The following NMT1 variants were observed in gnomAD, a reference collection of about 807,000 sequenced individuals.
The protein encoded by NMT1 is glycylpeptide N-tetradecanoyltransferase 1.
A neutral mutation model predicts 63.4 loss-of-function variants in NMT1; 12 were observed. The ratio of observed to expected loss-of-function variants is 0.19; its 90% CI spans 0.12 to 0.31. The LOEUF is 0.31. Ranked by LOEUF, NMT1 falls within the 10% of genes least tolerant of loss-of-function variation. The pLI, the probability that NMT1 is intolerant of heterozygous loss-of-function variation, is 1.00. For missense variants in NMT1, 432 were observed against 634.6 expected (o/e 0.68, Z 3.43); for synonymous variants, 228 against 234.3 (o/e 0.97, Z 0.25).
intron 6 of NMT1, among the ~76,000 whole-genome samples, chr17:45,097,619 A>T (rs1024007311): frequency 2.0e-5 from 3 of 151,944 alleles, no homozygotes; most frequent in African/African-American, 7.3e-5. Flanking sequence ...GCCTCCCAAG[A>T]GTGTTGGGAA....
At chr17:45,100,017 T>A (rs2054151380) in intron 8 of NMT1, among the ~76,000 whole-genome samples, 1 of 152,172 alleles carries the variant, frequency 6.6e-6, no homozygotes, top group South Asian at 2.1e-4. Context: ...GCTGCTTTTC[T>A]GTTCTGGGTC....
chr17:45,081,636 T>G lies in NMT1; in HGVS notation c.132-8T>G. The G allele has an allele frequency of 1.2e-6, 2 of 1,606,568 alleles. No homozygotes were observed. The highest frequency in any genetic ancestry group is 8.5e-7 in the Non-Finnish European group (1 of 1,177,464). On this transcript the variant is annotated splice_polypyrimidine_tract_variant and splice_region_variant and intron_variant, in intron 1 of 11. Coordinates refer to ENST00000258960, the MANE Select transcript of NMT1 (RefSeq NM_021079.5). ...AAACCCTGCATTAGTATTTACTTTT[T>G]GTTACAGTGGTTTGAGTCCAGCCAA...
intron 4 of NMT1, among the ~76,000 whole-genome samples, chr17:45,095,720 C>T (rs1385603698): frequency 6.6e-6 from 1 of 152,126 alleles, no homozygotes; most frequent in Admixed American, 6.5e-5. Context: ...TGCAGTGAGC[C>T]ATGATCACAC....
intron 4 of NMT1, 27 bp downstream of exon 4, chr17:45,093,830 C>A: frequency 6.3e-7 from 1 of 1,578,960 alleles, no homozygotes; most frequent in Non-Finnish European, 8.7e-7. Context: ...AAGGTTACAC[C>A]TGCGGGTAGG....
intron 8 of NMT1, among the ~76,000 whole-genome samples, chr17:45,102,182 G>T (rs948920869): frequency 1.3e-5 from 2 of 152,354 alleles, no homozygotes; most frequent in South Asian, 4.1e-4. Context: ...GCACTGGGAA[G>T]CATTGTGTCA....
chr17:45,084,834 T>TA (rs1016425408), intron 2 of NMT1, among the ~76,000 whole-genome samples: 4 of 152,148 alleles, frequency 2.6e-5, no homozygotes, highest in African/African-American at 9.7e-5. Context: ...GGATTACTGA[T>TA]AGTCTCTTTT....
At position 45,105,104 on chromosome 17, in the gene NMT1, A is replaced by T; in HGVS notation, c.1470+108A>T. On this transcript the variant is annotated intron_variant, in intron 11 of 11. Transcript: ENST00000258960. This position sits in a 1 kb window ranked among gnomAD's most constrained non-coding sequence, Gnocchi z 4.2. ...GACAGCCGCAGTCTGGGTCCTTGTTACCTCGAGTTGAACCTTTGAAAATGC... is the reference window on the plus strand; with the variant it reads ...GACAGCCGCAGTCTGGGTCCTTGTTTCCTCGAGTTGAACCTTTGAAAATGC... 7.0e-7 allele frequency: 1 copy of T among 1,434,008 alleles called. No individual in the cohort carries two copies. The allele number at this position is 1,434,008 out of a possible 1,614,324, so 88.8% of individuals were successfully genotyped here.
At chr17:45,063,064 G>A (rs4239145) in intron 1 of NMT1, among the ~76,000 whole-genome samples, 13,645 of 151,910 alleles carry the variant, frequency 0.09, 706 homozygotes, top group East Asian at 0.16. Context: ...ATTTAGCCGG[G>A]CGTGGTGGCG....
chr17:45,084,835 AGT>A (rs1433258381), intron 2 of NMT1, among the ~76,000 whole-genome samples: 1 of 152,162 alleles, frequency 6.6e-6, no homozygotes, highest in Non-Finnish European at 1.5e-5. Context: ...GATTACTGAT[AGT>A]CTCTTTTTAG....
rs1308053456 is a variant in NMT1 at position 45,108,995 on chromosome 17, TAAAG to T, written c.*3361_*3364del. 4 of 152,710 alleles carry T rather than the reference TAAAG, an allele frequency of 2.6e-5. No individual in the cohort carries two copies. The allele number at this position is 152,710 out of a possible 1,614,324, so 9.5% of individuals were successfully genotyped here. A position where few individuals can be genotyped will look rare whatever the true frequency, so the allele number is the denominator to read the frequency against. On this transcript the variant is annotated 3_prime_UTR_variant, in exon 12 of 12. Transcript: ENST00000258960. ...CTCAATACATCTCACTTGTTTCTAA[TAAAG>T]AAAGCAGCTGAACAAAACCTTCTGT...
Position 45,098,731 on chromosome 17 carries a change from T to A in NMT1, c.884+179T>A. The A allele has an allele frequency of 7.0e-6, 4 of 573,322 alleles. No homozygotes were observed. In the East Asian group the frequency reaches 1.2e-4, roughly 17 times the overall value. The allele number at this position is 573,322 out of a possible 1,614,324, so 35.5% of individuals were successfully genotyped here. Reference sequence around the variant, plus strand: ...GAGCATGGAGAGGGCGGGAGGGTTGTAGGGATGGCAGATTGGCAAGTCCCT... The same window carrying A: ...GAGCATGGAGAGGGCGGGAGGGTTGAAGGGATGGCAGATTGGCAAGTCCCT... On this transcript the variant is annotated intron_variant, in intron 7 of 11. Coordinates refer to ENST00000258960, the MANE Select transcript of NMT1 (RefSeq NM_021079.5).
intron 6 of NMT1, 147 bp downstream of exon 6, chr17:45,097,391 A>T (rs1598017359): frequency 1.4e-6 from 1 of 708,190 alleles, no homozygotes. Flanking sequence ...GGGACTGCAG[A>T]TTCATCCTAG....
In NMT1 at chr17:45,061,344, T is replaced by G; in HGVS notation, c.15T>G (p.Ser5Arg). Residue 5 changes from serine to arginine, a missense_variant, in exon 1 of 12, where the codon AGT (serine) becomes AGG (arginine). This residue lies in a region of NMT1 where 121 missense variants were observed against 103.7 expected (regional missense o/e 1.17). Coordinates refer to ENST00000258960, the MANE Select transcript of NMT1 (RefSeq NM_021079.5). ...CGCAACTCAAGATGGCGGACGAGAG[T>G]GAGACAGCAGTGAAGCCGCCGGCAC... MADE[S>R]ETAVKPPAPP... 6.2e-7 allele frequency: 1 copy of G among 1,612,830 alleles called. No homozygotes were observed. Among genetic ancestry groups the G allele is most frequent in the Non-Finnish European group, 8.5e-7 (1 of 1,179,674 alleles).
At chr17:45,092,492 G>T (rs1306668870) in intron 3 of NMT1, among the ~76,000 whole-genome samples, 1 of 151,326 alleles carries the variant, frequency 6.6e-6, no homozygotes, top group African/African-American at 2.4e-5. Context: ...GAGGCCAGGG[G>T]TTTGAAACCA....
intron 3 of NMT1, among the ~76,000 whole-genome samples, chr17:45,093,224 C>T (rs1278360476): frequency 1.3e-5 from 2 of 152,234 alleles, no homozygotes; most frequent in African/African-American, 4.8e-5. Flanking sequence ...ACGATTGAGC[C>T]TGGCGCCTAG....
rs144416810 is a variant in NMT1, at chr17:45,107,957, C to T, written c.*2318C>T. 7.9e-4 allele frequency: 120 copies of T among 152,446 alleles called. 3 individuals are homozygous for T. The East Asian group carries it at 0.018, about 23-fold the overall frequency. The allele number at this position is 152,446 out of a possible 1,614,324, so 9.4% of individuals were successfully genotyped here. A position where few individuals can be genotyped will look rare whatever the true frequency, so the allele number is the denominator to read the frequency against. ...TTTGGCTTGTGGGCTGCTTGCTGCT[C>T]ATCTGATTTTTGTCCCAGTAGTCCC... On this transcript the variant is annotated 3_prime_UTR_variant, in exon 12 of 12. Transcript: ENST00000258960.
intron 1 of NMT1, among the ~76,000 whole-genome samples, chr17:45,080,472 T>TG (rs2054010577): frequency 6.9e-6 from 1 of 144,698 alleles, no homozygotes; most frequent in Admixed American, 6.9e-5. Context: ...TTCCTTTTTT[T>TG]TTTTTTTTTT....
intron 1 of NMT1, among the ~76,000 whole-genome samples, chr17:45,064,556 C>T (rs1378746442): frequency 2.0e-5 from 3 of 152,296 alleles, no homozygotes; most frequent in Non-Finnish European, 2.9e-5. Context: ...GGCGCGGTGG[C>T]GCACATCTGT....
chr17:45,100,004 T>C (rs906528394), intron 8 of NMT1, among the ~76,000 whole-genome samples: 4 of 152,116 alleles, frequency 2.6e-5, no homozygotes, highest in Non-Finnish European at 5.9e-5. Context: ...AACCTTAAAG[T>C]GAGCTGCTTT....
Sources: allele counts gnomAD v4.1 joint callset (sites outside exome capture counted in the v4.1 genomes callset), GRCh38; gene constraint gnomAD v4.1.1; regional missense constraint gnomAD v4.1.1; non-coding constraint Gnocchi (gnomAD v3.1); transcripts MANE v1.5; gene names NCBI Gene and HGNC (gene_info 2026-07-23, HGNC 2026-07-21).